Variants in KALRN observed in about 807,000 individuals in gnomAD.
KALRN encodes the protein kalirin RhoGEF kinase.
KALRN carries 70 observed loss-of-function variants against 353.7 expected under a neutral mutation model. That is an observed-to-expected ratio of 0.20 (90% CI 0.16 to 0.24). The LOEUF (loss-of-function observed/expected upper bound fraction) is 0.24. KALRN is among the 10% of genes least tolerant of loss of function. KALRN has a pLI of 1.00. For synonymous variants in KALRN, 1,391 were observed against 1,434.8 expected, an observed-to-expected ratio of 0.97 and a Z score of 0.69; for missense variants, 2,791 against 3,756.7, an observed-to-expected ratio of 0.74 and a Z score of 6.72.
intron 45 of KALRN, among the ~76,000 whole-genome samples, chr3:124,665,897 A>G (rs2085546971): frequency 6.6e-6 from 1 of 152,360 alleles, no homozygotes; most frequent in Middle Eastern, 3.4e-3. Context: ...GAATTTCTCC[A>G]TCCTAAAATA....
chr3:124,316,862 A>G (rs2078863575), intron 6 of KALRN, among the ~76,000 whole-genome samples: 1 of 152,260 alleles, frequency 6.6e-6, no homozygotes, highest in Non-Finnish European at 1.5e-5. Context: ...GGATGAATAA[A>G]CATATAGGAT....
intron 34 of KALRN, among the ~76,000 whole-genome samples, chr3:124,570,166 T>C (rs1354597582): frequency 6.6e-6 from 1 of 152,174 alleles, no homozygotes; most frequent in African/African-American, 2.4e-5. Context: ...TACCCTCAGG[T>C]TTTTCATTTA....
chr3:124,460,608 T>C (rs1044514640), intron 23 of KALRN, among the ~76,000 whole-genome samples: 1 of 152,226 alleles, frequency 6.6e-6, no homozygotes, highest in African/African-American at 2.4e-5. Context: ...CTAGGCATGT[T>C]GCTTACGTGA....
At chr3:124,674,749 GTGT>G (rs1437883190) in intron 49 of KALRN, 135 bp downstream of exon 49, 1 of 971,946 alleles carries the variant, frequency 1.0e-6, no homozygotes, top group African/African-American at 1.7e-5. Flanking sequence ...CACAGAACCA[GTGT>G]TTGAGTGCTG....
At chr3:124,136,715 G>A (rs1459254698) in intron 1 of KALRN, among the ~76,000 whole-genome samples, 3 of 152,184 alleles carry the variant, frequency 2.0e-5, no homozygotes, top group African/African-American at 7.2e-5. Flanking sequence ...GAAATTTTGG[G>A]TAGAGGTTTG....
Position 124,279,288 on chromosome 3 carries a change from C to T in KALRN, c.969+10033C>T, listed in dbSNP as rs531108708. ...TATCTGTAAAATATAGATTTTAATA[C>T]CTGCCTTAGGATTATTGTATGAGTT... On this transcript the variant is annotated intron_variant, in intron 5 of 59. Transcript: ENST00000682506. Among the ~76,000 whole-genome samples the T allele has an allele frequency of 7.9e-5, 12 of 152,286 alleles. No homozygotes were observed. The South Asian group carries it at 2.5e-3, about 32-fold the overall frequency.
chr3:124,099,050 T>C (rs2149413033), intron 1 of KALRN, among the ~76,000 whole-genome samples: 1 of 152,356 alleles, frequency 6.6e-6, no homozygotes, highest in Admixed American at 6.5e-5. Flanking sequence ...ATACAATGTG[T>C]AATGATCAAT....
chr3:124,574,242 ACT>A (rs903931631), intron 34 of KALRN, among the ~76,000 whole-genome samples: 1 of 152,132 alleles, frequency 6.6e-6, no homozygotes, highest in African/African-American at 2.4e-5. Flanking sequence ...TCTAAATACA[ACT>A]CAGTGTCGTG....
At chr3:124,123,114 C>T (rs571249878) in intron 1 of KALRN, among the ~76,000 whole-genome samples, 9 of 150,912 alleles carry the variant, frequency 6.0e-5, no homozygotes, top group African/African-American at 1.9e-4. Flanking sequence ...GCAGGAGAAT[C>T]GCTTGAACAT....
At chr3:124,277,167 G>A (rs1220766808) in intron 5 of KALRN, among the ~76,000 whole-genome samples, 1 of 152,216 alleles carries the variant, frequency 6.6e-6, no homozygotes, top group Non-Finnish European at 1.5e-5. Flanking sequence ...CCAGAGGGGC[G>A]TGTCATGTCT....
At chr3:124,427,498 G>A (rs74317125) in intron 15 of KALRN, among the ~76,000 whole-genome samples, 1,941 of 152,300 alleles carry the variant, frequency 0.013, 27 homozygotes, top group Non-Finnish European at 0.019. Context: ...ATCTACAGGC[G>A]GCTTCCCAGC....
chr3:124,102,657 T>C (rs2061974449), intron 1 of KALRN, among the ~76,000 whole-genome samples: 1 of 152,206 alleles, frequency 6.6e-6, no homozygotes, highest in Non-Finnish European at 1.5e-5. Flanking sequence ...GGAATCTTAG[T>C]TTCTTGTCAG....
chr3:124,088,011 T>A (rs1026542740), intron 1 of KALRN, among the ~76,000 whole-genome samples: 2 of 152,216 alleles, frequency 1.3e-5, no homozygotes, highest in African/African-American at 2.4e-5. Flanking sequence ...AAAAAAATTT[T>A]AAAAATATGT....
intron 38 of KALRN, among the ~76,000 whole-genome samples, chr3:124,652,364 G>A (rs1388886541): frequency 6.6e-6 from 1 of 152,208 alleles, no homozygotes; most frequent in Non-Finnish European, 1.5e-5. Context: ...GGAACCCCAA[G>A]AAGTTGGTAA....
At chr3:124,653,764 A>C (rs532802939) in intron 38 of KALRN, among the ~76,000 whole-genome samples, 2 of 152,352 alleles carry the variant, frequency 1.3e-5, no homozygotes, top group East Asian at 3.9e-4. Flanking sequence ...TAGTTGGACC[A>C]AAGAATAACA....
chr3:124,198,567 G>T (rs752391391), intron 1 of KALRN, among the ~76,000 whole-genome samples: 6 of 152,112 alleles, frequency 3.9e-5, no homozygotes, highest in Non-Finnish European at 7.3e-5. Context: ...GAGCTACCAG[G>T]GGCTTCTCCC....
intron 1 of KALRN, among the ~76,000 whole-genome samples, chr3:124,196,357 G>A (rs2150354665): frequency 6.6e-6 from 1 of 152,166 alleles, no homozygotes; most frequent in East Asian, 1.9e-4. Flanking sequence ...ATAATAATGG[G>A]GACTGCTGCT....
intron 10 of KALRN, among the ~76,000 whole-genome samples, chr3:124,381,662 T>C (rs2087402358): frequency 6.6e-6 from 1 of 152,192 alleles, no homozygotes; most frequent in South Asian, 2.1e-4. Context: ...TTTGCCACTC[T>C]CCAATTTTAG....
chr3:124,539,787 T>C (rs1029827445), intron 33 of KALRN, among the ~76,000 whole-genome samples: 5 of 152,092 alleles, frequency 3.3e-5, no homozygotes, highest in African/African-American at 1.2e-4. Context: ...TTGAGATAGG[T>C]CTCATTCTAT....
Sources: gnomAD v4.1 joint callset for allele counts (sites outside exome capture counted in the v4.1 genomes callset) on GRCh38, gnomAD v4.1.1 for gene constraint, MANE v1.5 for transcripts, NCBI Gene and HGNC (gene_info 2026-07-23, HGNC 2026-07-21) for gene names.